Variants in IBTK observed in about 807,000 individuals in gnomAD.
IBTK encodes BTK-binding protein.
Under a neutral mutation model 154.9 loss-of-function variants are expected in IBTK, and 83 were observed. The observed-to-expected ratio is 0.54, with a 90% CI of 0.45 to 0.64. The LOEUF is 0.64. Among genes scored for constraint, IBTK ranks in the 30% least tolerant of loss-of-function variants. The probability of loss-of-function intolerance (pLI) is 0.00; values close to 1 mark genes in which losing one functional copy is unlikely to be tolerated. For synonymous variants in IBTK, 515 were observed against 536.1 expected, an observed-to-expected ratio of 0.96 and a Z score of 0.54; for missense variants, 1,332 against 1,584.6, an observed-to-expected ratio of 0.84 and a Z score of 2.71.
intron 19 of IBTK, 26 bp downstream of exon 19, chr6:82,201,396 C>T (rs753915558): frequency 3.7e-5 from 58 of 1,560,994 alleles, no homozygotes; most frequent in African/African-American, 1.1e-4. Flanking sequence ...ATTATAGCCG[C>T]GAAAATCTTA....
In IBTK at chr6:82,200,841, A is replaced by G. The variant is rs1769184448; in HGVS notation, c.2791-133T>C. 6.2e-6 allele frequency: 6 copies of G among 966,458 alleles called. No homozygotes were observed. The African/African-American group carries it at 1.1e-4, about 18-fold the overall frequency. The allele number at this position is 966,458 out of a possible 1,614,324, so 59.9% of individuals were successfully genotyped here. On this transcript the variant is annotated intron_variant, in intron 19 of 28. Coordinates refer to ENST00000306270, the MANE Select transcript of IBTK (RefSeq NM_015525.4). ...GTTTGGAACACCTGGCCCCAAGCAA[A>G]CCTCCCATCTTGGCCTCCCAAAATG...
chr6:82,194,799 T>C (rs1768919097), intron 22 of IBTK, among the ~76,000 whole-genome samples, 157 bp from the exon 23 acceptor site: 1 of 152,188 alleles, frequency 6.6e-6, no homozygotes, highest in South Asian at 2.1e-4. Flanking sequence ...TTCTACAGTT[T>C]TGTGCCTTAG....
At chr6:82,231,626 C>A in intron 4 of IBTK, 92 bp downstream of exon 4, 1 of 941,308 alleles carries the variant, frequency 1.1e-6, no homozygotes, top group Non-Finnish European at 1.5e-6. Flanking sequence ...GTACCTGAAA[C>A]AAAGTTATGT....
At chr6:82,196,568 T>C in intron 21 of IBTK, 122 bp from the exon 22 acceptor site, 1 of 483,168 alleles carries the variant, frequency 2.1e-6, no homozygotes, top group Non-Finnish European at 3.4e-6. Context: ...TCAAATTATA[T>C]TTATGGTATA....
At chr6:82,175,883 G>C (rs190010064) in intron 26 of IBTK, among the ~76,000 whole-genome samples, 2 of 151,894 alleles carry the variant, frequency 1.3e-5, no homozygotes, top group African/African-American at 4.8e-5. Flanking sequence ...TACAAAATTA[G>C]CCAGGCTTGG....
At position 82,185,678 on chromosome 6, in the gene IBTK, T is replaced by G. The variant is rs528821518; in HGVS notation, c.3576-3650A>C. ...TCTGATTAAAAATCAAGTGATATAC[T>G]GAATTATGTGGCTATCTCATAATTT... On this transcript the variant is annotated intron_variant, in intron 25 of 28. Transcript: ENST00000306270. Among the ~76,000 whole-genome samples, 344 of 152,132 alleles carry G rather than the reference T, an allele frequency of 2.3e-3. 1 individual carries two copies. The highest frequency in any genetic ancestry group is 3.9e-3 in the Non-Finnish European group (265 of 68,000).
chr6:82,228,765 G>A (rs1369491810), intron 4 of IBTK, among the ~76,000 whole-genome samples: 1 of 152,008 alleles, frequency 6.6e-6, no homozygotes, highest in Non-Finnish European at 1.5e-5. Flanking sequence ...GGGACTACAG[G>A]TGCCCGCCAC....
intron 9 of IBTK, among the ~76,000 whole-genome samples, chr6:82,219,517 A>G (rs1055958611): frequency 6.6e-6 from 1 of 151,968 alleles, no homozygotes; most frequent in African/African-American, 2.4e-5. Flanking sequence ...TGTATGATAT[A>G]TACCTTTAAA....
chr6:82,225,848 T>C (rs1770277214), intron 5 of IBTK, among the ~76,000 whole-genome samples: 1 of 152,118 alleles, frequency 6.6e-6, no homozygotes, highest in South Asian at 2.1e-4. Context: ...GCAAAATACA[T>C]AAGCCCAGTA....
Position 82,216,367 on chromosome 6 carries a change from A to T in IBTK, c.1427-117T>A, listed in dbSNP as rs77149825. On this transcript the variant is annotated intron_variant, in intron 10 of 28. Coordinates refer to ENST00000306270, the MANE Select transcript of IBTK (RefSeq NM_015525.4). The stretch of plus-strand genomic sequence containing the variant: ...AAATATGGAAATCTTTTTCACATAT[A>T]TTCAGTGTTTTTGAAGAACTACATC... The T allele has an allele frequency of 2.0e-3, 1,340 of 677,896 alleles. 16 individuals carry two copies. In the African/African-American group the frequency reaches 0.022, roughly 11 times the overall value. 42.0% of individuals were successfully genotyped at this position (677,896 alleles called of 1,614,324 possible). A position where few individuals can be genotyped will look rare whatever the true frequency, so the allele number is the denominator to read the frequency against.
chr6:82,200,315 A>C (rs1769155321), intron 20 of IBTK, 62 bp from the exon 21 acceptor site: 1 of 1,154,100 alleles, frequency 8.7e-7, no homozygotes, highest in South Asian at 1.3e-5. Flanking sequence ...AAATGCACTT[A>C]TTTAACCCAA....
chr6:82,175,559 A>T (rs757959376), intron 26 of IBTK, among the ~76,000 whole-genome samples: 49 of 152,346 alleles, frequency 3.2e-4, no homozygotes, highest in Non-Finnish European at 6.6e-4. Flanking sequence ...AATAAAATAG[A>T]GCTATGATTA....
At chr6:82,210,704 A>C in intron 16 of IBTK, 110 bp downstream of exon 16, 1 of 446,428 alleles carries the variant, frequency 2.2e-6, no homozygotes. Flanking sequence ...AATAAAATAA[A>C]TTAAGCCTTT....
rs530269169 is a variant in IBTK at position 82,207,767 on chromosome 6, A to G, written c.2510-2809T>C. 1.9e-4 allele frequency among the ~76,000 whole-genome samples: 29 copies of G among 152,346 alleles called. No individual in the cohort carries two copies. In the South Asian group the frequency reaches 5.8e-3, roughly 30 times the overall value. On this transcript the variant is annotated intron_variant, in intron 16 of 28. Transcript: ENST00000306270. ...AAATAGAACTGAAGAGTACAGAAAT[A>G]AAACTTTAAATTTATTGTCAGTTGA...
chr6:82,181,595 A>G (rs1299961782), intron 26 of IBTK, among the ~76,000 whole-genome samples: 1 of 152,218 alleles, frequency 6.6e-6, no homozygotes, highest in African/African-American at 2.4e-5. Flanking sequence ...GCTTATGTTC[A>G]CTATTTTGAA....
At chr6:82,222,990 T>C (rs1770154806) in intron 8 of IBTK, among the ~76,000 whole-genome samples, 1 of 152,044 alleles carries the variant, frequency 6.6e-6, no homozygotes, top group East Asian at 1.9e-4. Flanking sequence ...TAATAACATG[T>C]TTTTTTAAAA....
rs761923474 is a variant in IBTK, at chr6:82,173,386, G to A, written c.3778C>T (p.Pro1260Ser). The A allele has an allele frequency of 6.2e-7, 1 of 1,613,258 alleles. No homozygotes were observed. Among genetic ancestry groups the A allele is most frequent in the Non-Finnish European group, 8.5e-7 (1 of 1,179,322 alleles). The change falls in exon 27 of 29, where the codon CCA (proline) becomes TCA (serine). Residue 1260 changes from proline to serine, a missense_variant. Pro to Ser is a moderately conservative substitution (Grantham distance 74). This residue lies in a region of IBTK where 1,134 missense variants were observed against 1,274.7 expected (regional missense o/e 0.89). Coordinates refer to ENST00000306270, the MANE Select transcript of IBTK (RefSeq NM_015525.4). Reference protein sequence around the residue: ...GPEGNHISDLPLLDSPNPWLS... With the variant: ...GPEGNHISDLSLLDSPNPWLS... ...CCTTACTTGGGACTGTCTAGAAGTG[G>A]TAAATCTGAAATATGGTTGCCTTCT...
rs773949385 is a variant in IBTK, at chr6:82,223,483, T to C, written c.1081A>G (p.Ile361Val). Residue 361 changes from isoleucine to valine, a missense_variant, in exon 8 of 29, where the codon ATT (isoleucine) becomes GTT (valine). This residue lies in a region of IBTK where 1,134 missense variants were observed against 1,274.7 expected (regional missense o/e 0.89). Transcript: ENST00000306270. The part of the protein sequence containing the change: ...ATVCVTTRGD[I>V]YLLADYQCKK... ...CACTGATAGTCTGCAAGTAAGTAAA[T>C]ATCTCCCCTTGTGGTAACACAGACT... is the stretch of plus-strand genomic sequence containing the variant. 3 of 1,613,932 alleles carry C rather than the reference T, an allele frequency of 1.9e-6. No individual in the cohort carries two copies. Among genetic ancestry groups the C allele is most frequent in the Admixed American group, 1.7e-5 (1 of 59,992 alleles).
chr6:82,220,556 G>A (rs755464870), intron 9 of IBTK, 34 bp downstream of exon 9: 10 of 1,568,124 alleles, frequency 6.4e-6, no homozygotes, highest in African/African-American at 1.4e-5. Context: ...TCAACTGAGA[G>A]TAAGATTACA....
Sources: gnomAD v4.1 joint callset for allele counts (sites outside exome capture counted in the v4.1 genomes callset) on GRCh38, gnomAD v4.1.1 for gene constraint, gnomAD v4.1.1 regional missense constraint, MANE v1.5 for transcripts, NCBI Gene and HGNC (gene_info 2026-07-23, HGNC 2026-07-21) for gene names.